Variants in FSIP1 observed in about 807,000 individuals in gnomAD.
The protein encoded by FSIP1 is fibrous sheath-interacting protein 1.
Under a neutral mutation model 60.9 loss-of-function variants are expected in FSIP1, and 65 were observed. The ratio of observed to expected loss-of-function variants is 1.07; its 90% CI spans 0.87 to 1.31. The LOEUF (loss-of-function observed/expected upper bound fraction) is 1.31. Ranked by LOEUF, FSIP1 falls within the 40% of genes most tolerant of loss-of-function variation. FSIP1 has a pLI of 0.00. For missense variants in FSIP1, 675 were observed against 665.5 expected (o/e 1.01, Z -0.16); for synonymous variants, 209 against 221.2 (o/e 0.94, Z 0.49).
Position 39,617,779 on chromosome 15 carries a change from T to A in FSIP1, c.1655A>T (p.Glu552Val), listed in dbSNP as rs1891287174. ...AGAACTGAGTTTCAGATGTTGGTCT[T>A]CTGATGAAAGGCTCACACTGATACC... ...LYGISVSLSS[E>V]DQHLKLSSPE... The change falls in exon 11 of 12, where the codon GAA becomes GTA. Residue 552 changes from glutamate (E) to valine (V), a missense_variant. Glu to Val is a moderately radical substitution (Grantham distance 121). Coordinates refer to ENST00000350221, the MANE Select transcript of FSIP1 (RefSeq NM_152597.5). 10 of 1,614,050 alleles carry A rather than the reference T, an allele frequency of 6.2e-6. No homozygotes were observed. The highest frequency in any genetic ancestry group is 8.5e-6 in the Non-Finnish European group (10 of 1,179,958).
At chr15:39,779,093 T>C (rs957346451) in intron 1 of FSIP1, among the ~76,000 whole-genome samples, 3 of 148,656 alleles carry the variant, frequency 2.0e-5, no homozygotes, top group South Asian at 2.1e-4. Flanking sequence ...GGGAAATAAA[T>C]GCAACAAAGA....
At chr15:39,723,098 C>T (rs1348615733) in intron 9 of FSIP1, among the ~76,000 whole-genome samples, 1 of 152,142 alleles carries the variant, frequency 6.6e-6, no homozygotes, top group Non-Finnish European at 1.5e-5. Flanking sequence ...TGTATATTAA[C>T]TCAGCTACCC....
chr15:39,642,483 T>A (rs1452194626), intron 10 of FSIP1, among the ~76,000 whole-genome samples: 1 of 152,190 alleles, frequency 6.6e-6, no homozygotes, highest in Non-Finnish European at 1.5e-5. Context: ...AGGGTCTTTG[T>A]ATTTAACTGA....
intron 10 of FSIP1, among the ~76,000 whole-genome samples, chr15:39,651,464 G>T (rs1892865554): frequency 6.6e-6 from 1 of 152,208 alleles, no homozygotes; most frequent in African/African-American, 2.4e-5. Context: ...TCTAATGAAT[G>T]AAAAGTGCAT....
At chr15:39,667,385 T>C (rs909074686) in intron 10 of FSIP1, among the ~76,000 whole-genome samples, 2 of 152,166 alleles carry the variant, frequency 1.3e-5, no homozygotes, top group Non-Finnish European at 2.9e-5. Flanking sequence ...AGAGCTTGAC[T>C]TAAGTGGGAT....
At chr15:39,762,017 G>A (rs999274802) in intron 5 of FSIP1, among the ~76,000 whole-genome samples, 1 of 152,162 alleles carries the variant, frequency 6.6e-6, no homozygotes, top group African/African-American at 2.4e-5. Flanking sequence ...GGAGATGCCT[G>A]GAGCAGGTCA....
chr15:39,736,422 AT>A (rs1005108511), intron 8 of FSIP1, among the ~76,000 whole-genome samples: 1 of 152,198 alleles, frequency 6.6e-6, no homozygotes, highest in Non-Finnish European at 1.5e-5. Flanking sequence ...AGGGAGGGAT[AT>A]TTTGTTTGCC....
chr15:39,609,922 C>A (rs567111146), intron 11 of FSIP1, among the ~76,000 whole-genome samples: 1 of 152,298 alleles, frequency 6.6e-6, no homozygotes, highest in Admixed American at 6.5e-5. Context: ...GCAAGGTGTA[C>A]CTGTCTGGGG....
At chr15:39,634,575 A>C (rs1261798541) in intron 10 of FSIP1, among the ~76,000 whole-genome samples, 1 of 152,180 alleles carries the variant, frequency 6.6e-6, no homozygotes, top group Non-Finnish European at 1.5e-5. Flanking sequence ...GTAACTTTCT[A>C]CTTTGATTTA....
At chr15:39,707,135 A>AC (rs1198923086) in intron 10 of FSIP1, among the ~76,000 whole-genome samples, 1 of 151,430 alleles carries the variant, frequency 6.6e-6, no homozygotes, top group African/African-American at 2.4e-5. Flanking sequence ...CAATCACCCA[A>AC]CCTCTCCTCA....
At chr15:39,667,766 A>G (rs1012376871) in intron 10 of FSIP1, among the ~76,000 whole-genome samples, 4 of 152,184 alleles carry the variant, frequency 2.6e-5, no homozygotes, top group African/African-American at 9.7e-5. Context: ...CCAGGCATAA[A>G]AGGAAAGGGA....
chr15:39,721,647 C>T (rs555116196), intron 9 of FSIP1, among the ~76,000 whole-genome samples: 1 of 152,296 alleles, frequency 6.6e-6, no homozygotes, highest in African/African-American at 2.4e-5. Context: ...TCTGCAAAGG[C>T]TGAACAAGTA....
chr15:39,632,790 CA>C (rs969509708), intron 10 of FSIP1, among the ~76,000 whole-genome samples: 12 of 149,036 alleles, frequency 8.1e-5, no homozygotes, highest in Admixed American at 2.0e-4. Flanking sequence ...GACTCTGTCT[CA>C]AAAAAAAATA....
At chr15:39,754,795 A>C (rs773939505) in intron 5 of FSIP1, among the ~76,000 whole-genome samples, 35 of 152,132 alleles carry the variant, frequency 2.3e-4, no homozygotes, top group Non-Finnish European at 4.4e-4. Flanking sequence ...ATCCAGTAAA[A>C]ATTGCACTAT....
chr15:39,750,959 A>C (rs779973702), intron 5 of FSIP1, among the ~76,000 whole-genome samples: 3 of 152,000 alleles, frequency 2.0e-5, no homozygotes, highest in African/African-American at 2.4e-5. Context: ...GCCTGATTAA[A>C]AATGGGCAAA....
At chr15:39,645,079 C>T (rs113622215) in intron 10 of FSIP1, among the ~76,000 whole-genome samples, 1,750 of 152,264 alleles carry the variant, frequency 0.011, 44 homozygotes, top group African/African-American at 0.04. Flanking sequence ...ATCAAAACCA[C>T]AATGAGATAT....
intron 10 of FSIP1, among the ~76,000 whole-genome samples, chr15:39,705,254 A>AGGATCAT (rs1291555328): frequency 6.6e-6 from 1 of 152,234 alleles, no homozygotes; most frequent in Non-Finnish European, 1.5e-5. Flanking sequence ...TGTGAAAGAT[A>AGGATCAT]GGATCATTAT....
At chr15:39,635,577 G>A (rs1389119151) in intron 10 of FSIP1, among the ~76,000 whole-genome samples, 3 of 152,200 alleles carry the variant, frequency 2.0e-5, no homozygotes, top group Admixed American at 6.5e-5. Flanking sequence ...ACAATCGGAT[G>A]GGGGCTATGA....
intron 10 of FSIP1, among the ~76,000 whole-genome samples, chr15:39,693,109 T>C (rs1338327814): frequency 6.6e-6 from 1 of 152,270 alleles, no homozygotes; most frequent in Admixed American, 6.5e-5. Context: ...CTAAGAAATT[T>C]CTTTTATCTC....
Sources: allele counts gnomAD v4.1 joint callset (sites outside exome capture counted in the v4.1 genomes callset), GRCh38; gene constraint gnomAD v4.1.1; transcripts MANE v1.5; gene names NCBI Gene and HGNC (gene_info 2026-07-23, HGNC 2026-07-21).